GRIN2A: variants seen among roughly 807,000 people sequenced by gnomAD.
GRIN2A encodes glutamate receptor ionotropic, NMDA 2A.
GRIN2A carries 22 observed loss-of-function variants against 113.4 expected under a neutral mutation model. The observed-to-expected ratio is 0.19, with a 90% CI of 0.14 to 0.28. The LOEUF (loss-of-function observed/expected upper bound fraction) is 0.28. GRIN2A is among the 10% of genes least tolerant of loss of function. The pLI is 1.00. For synonymous variants in GRIN2A, 827 were observed against 738.4 expected, an observed-to-expected ratio of 1.12 and a Z score of -1.94; for missense variants, 1,502 against 1,887.0, an observed-to-expected ratio of 0.80 and a Z score of 3.78.
chr16:10,150,171 G>C (rs59199976), intron 2 of GRIN2A, among the ~76,000 whole-genome samples: 2,914 of 152,286 alleles, frequency 0.019, 85 homozygotes, highest in African/African-American at 0.067. Flanking sequence ...ATCCAGTTAG[G>C]TTGCAGTTCA....
chr16:10,053,740 G>C (rs1271553765), intron 2 of GRIN2A, among the ~76,000 whole-genome samples: 1 of 152,242 alleles, frequency 6.6e-6, no homozygotes, highest in African/African-American at 2.4e-5. Flanking sequence ...AGCTGTATTA[G>C]TTGGTGCAAA....
At chr16:9,972,923 G>A (rs1030325208) in intron 2 of GRIN2A, among the ~76,000 whole-genome samples, 3 of 152,186 alleles carry the variant, frequency 2.0e-5, no homozygotes, top group Non-Finnish European at 4.4e-5. Context: ...AGGGATCAGA[G>A]TTTTTAAGGA....
chr16:9,758,383 G>T lies in GRIN2A; in HGVS notation c.*4766C>A. On this transcript the variant is annotated 3_prime_UTR_variant, in exon 13 of 13. Coordinates refer to ENST00000330684, the MANE Select transcript of GRIN2A (RefSeq NM_001134407.3). ...TCATCCCAGAGTTTTGTTTTTTAAAGAAGGGGCCAAGAACGCCAACACCCA... is the reference window on the plus strand; with the variant it reads ...TCATCCCAGAGTTTTGTTTTTTAAATAAGGGGCCAAGAACGCCAACACCCA... 4.5e-6 allele frequency: 1 copy of T among 223,386 alleles called. No homozygotes were observed. Among genetic ancestry groups the T allele is most frequent in the East Asian group, 6.4e-5 (1 of 15,514 alleles). The allele number at this position is 223,386 out of a possible 1,614,324, so 13.8% of individuals were successfully genotyped here. A position where few individuals can be genotyped will look rare whatever the true frequency, so the allele number is the denominator to read the frequency against.
At position 10,040,581 on chromosome 16, in the gene GRIN2A, C is replaced by G. The variant is rs1004296789; in HGVS notation, c.415-102030G>C. 2.2e-4 allele frequency among the ~76,000 whole-genome samples: 33 copies of G among 152,074 alleles called. No homozygotes were observed. In the East Asian group the frequency reaches 3.3e-3, roughly 15 times the overall value. On this transcript the variant is annotated intron_variant, in intron 2 of 12. Transcript: ENST00000330684. ...ATACAAACCCACATATTCACACACA[C>G]ACACACACAAAACACACATCCACAC...
At chr16:9,860,594 A>T (rs574679772) in intron 4 of GRIN2A, among the ~76,000 whole-genome samples, 1 of 152,186 alleles carries the variant, frequency 6.6e-6, no homozygotes, top group Non-Finnish European at 1.5e-5. Context: ...CAATCCCCCA[A>T]TTAGAAGTGG....
At chr16:10,075,335 C>T (rs1271518425) in intron 2 of GRIN2A, among the ~76,000 whole-genome samples, 1 of 151,748 alleles carries the variant, frequency 6.6e-6, no homozygotes, top group Non-Finnish European at 1.5e-5. Flanking sequence ...TCTAAAGTCC[C>T]GTATCACAAA....
At chr16:9,916,770 C>T (rs981222760) in intron 3 of GRIN2A, among the ~76,000 whole-genome samples, 1 of 152,196 alleles carries the variant, frequency 6.6e-6, no homozygotes. Flanking sequence ...AGAAGCCCTT[C>T]AAATATCTCC....
chr16:10,075,984 C>G (rs994842428), intron 2 of GRIN2A, among the ~76,000 whole-genome samples: 4 of 152,106 alleles, frequency 2.6e-5, no homozygotes, highest in African/African-American at 9.7e-5. Context: ...AAAATCCAAA[C>G]CACTCCCTTT....
intron 3 of GRIN2A, among the ~76,000 whole-genome samples, chr16:9,929,405 T>C (rs1422721465): frequency 6.6e-6 from 1 of 152,196 alleles, no homozygotes; most frequent in African/African-American, 2.4e-5. Context: ...TACTCAGCTA[T>C]ACAAGAGGAA....
At chr16:10,175,777 G>T (rs2050130495) in intron 2 of GRIN2A, among the ~76,000 whole-genome samples, 1 of 152,116 alleles carries the variant, frequency 6.6e-6, no homozygotes, top group East Asian at 1.9e-4. Context: ...TTTCCTGCAT[G>T]GAGCAATTAG....
At chr16:9,963,805 G>T (rs992332721) in intron 2 of GRIN2A, among the ~76,000 whole-genome samples, 23 of 152,260 alleles carry the variant, frequency 1.5e-4, no homozygotes, top group African/African-American at 3.4e-4. Context: ...TCTGTGCCAG[G>T]TACTATTCTA....
At chr16:9,798,046 C>T (rs1379548688) in intron 11 of GRIN2A, among the ~76,000 whole-genome samples, 1 of 152,172 alleles carries the variant, frequency 6.6e-6, no homozygotes, top group Non-Finnish European at 1.5e-5. Context: ...TCCTAAATCC[C>T]CTGAGAGAGA....
At chr16:9,927,970 T>G (rs564657432) in intron 3 of GRIN2A, among the ~76,000 whole-genome samples, 21 of 152,336 alleles carry the variant, frequency 1.4e-4, no homozygotes, top group African/African-American at 5.1e-4. Flanking sequence ...GGAAGCTGAC[T>G]GTGGGGATTT....
chr16:9,998,543 A>G (rs1567225768), intron 2 of GRIN2A, among the ~76,000 whole-genome samples: 1 of 152,188 alleles, frequency 6.6e-6, no homozygotes. Flanking sequence ...TAAAATAGTA[A>G]ACTCTATGTT....
intron 2 of GRIN2A, among the ~76,000 whole-genome samples, chr16:10,035,744 G>T (rs1346982691): frequency 4.4e-4 from 63 of 142,998 alleles, no homozygotes; most frequent in Admixed American, 4.3e-3. Flanking sequence ...TTTTTTTTGA[G>T]ATAGGGTCTC....
chr16:9,798,524 C>A, intron 10 of GRIN2A, 60 bp from the exon 11 acceptor site: 2 of 1,269,870 alleles, frequency 1.6e-6, no homozygotes, highest in Middle Eastern at 1.9e-4. Flanking sequence ...CGGGGTCCAG[C>A]TCCTGAGGCC....
chr16:9,995,681 T>C lies in GRIN2A; in HGVS notation c.415-57130A>G, dbSNP rs183378994. Among the ~76,000 whole-genome samples the C allele has an allele frequency of 1.3e-3, 198 of 152,332 alleles. 1 individual carries two copies. The highest frequency in any genetic ancestry group is 5.2e-3 in the Admixed American group (79 of 15,296). On this transcript the variant is annotated intron_variant, in intron 2 of 12. Transcript: ENST00000330684. ...ACCTCTGATCTCCCAGTGTATGCTA[T>C]GCTTATAATGTTTGTGATTCTTGCA...
At position 9,769,783 on chromosome 16, in the gene GRIN2A, G is replaced by A. The variant is rs141896734; in HGVS notation, c.2357-694C>T. On this transcript the variant is annotated intron_variant, in intron 11 of 12. Transcript: ENST00000330684. ...AGCAGTATGTTTGCTACTATTTACT[G>A]TTGTGAAGAAAATGCCTAACACAGT... Among the ~76,000 whole-genome samples, 472 of 152,282 alleles carry A rather than the reference G, an allele frequency of 3.1e-3. 3 individuals are homozygous for A. The highest frequency in any genetic ancestry group is 0.011 in the African/African-American group (441 of 41,540).
At chr16:9,833,386 T>C (rs893656701) in intron 8 of GRIN2A, among the ~76,000 whole-genome samples, 1 of 152,246 alleles carries the variant, frequency 6.6e-6, no homozygotes, top group African/African-American at 2.4e-5. Flanking sequence ...CAAACTAATG[T>C]AAATTGATTC....
Sources: allele counts gnomAD v4.1 joint callset (sites outside exome capture counted in the v4.1 genomes callset), GRCh38; gene constraint gnomAD v4.1.1; transcripts MANE v1.5; gene names NCBI Gene and HGNC (gene_info 2026-07-23, HGNC 2026-07-21).